The following NELL2 variants were observed in gnomAD, a reference collection of about 807,000 sequenced individuals.
NELL2 encodes the protein neural EGFL like 2, also known as protein kinase C-binding protein NELL2.
In NELL2, 41 loss-of-function variants were observed where a neutral mutation model predicts 109.6. That is an observed-to-expected ratio of 0.37 (90% CI 0.29 to 0.49). The LOEUF (loss-of-function observed/expected upper bound fraction) is 0.49, where lower values mean the gene tolerates loss of function less well. NELL2 is among the 20% of genes least tolerant of loss of function. The pLI, the probability that NELL2 is intolerant of heterozygous loss-of-function variation, is 0.98. For missense variants in NELL2, 900 were observed against 1,008.3 expected (o/e 0.89, Z 1.45); for synonymous variants, 355 against 344.7 (o/e 1.03, Z -0.33).
In NELL2 at chr12:44,911,547, A is replaced by C. The variant is rs574536832; in HGVS notation, c.38+2252T>G. Reference sequence around the variant, plus strand: ...GTTTAATCCTTGTCTTCCTCAAAAAAATAAAACTACAAAATTCGTATGGGC... The same window carrying C: ...GTTTAATCCTTGTCTTCCTCAAAAACATAAAACTACAAAATTCGTATGGGC... On this transcript the variant is annotated intron_variant, in intron 1 of 20. Transcript: ENST00000333837. Among the ~76,000 whole-genome samples the C allele has an allele frequency of 6.5e-4, 99 of 152,128 alleles. 1 individual carries two copies. Among genetic ancestry groups the C allele is most frequent in the South Asian group, 1.4e-3 (7 of 4,830 alleles).
In NELL2 at chr12:44,587,933, C is replaced by CCT. The variant is rs565842527; in HGVS notation, c.1663+19235_1663+19236insAG. Among the ~76,000 whole-genome samples, 474 of 152,132 alleles carry CCT rather than the reference C, an allele frequency of 3.1e-3. 2 individuals are homozygous for CCT. The highest frequency in any genetic ancestry group is 5.6e-3 in the Admixed American group (86 of 15,282). On this transcript the variant is annotated intron_variant, in intron 15 of 19. Transcript: ENST00000429094. ...TTGGGAGGCCAAGGCGGGCGGATCACGAGGTCAGGAGATAGAGACCATCCT... is the reference window on the plus strand; with the variant it reads ...TTGGGAGGCCAAGGCGGGCGGATCACCTGAGGTCAGGAGATAGAGACCATCCT...
At chr12:44,610,006 C>T (rs917282649) in intron 14 of NELL2, among the ~76,000 whole-genome samples, 2 of 151,800 alleles carry the variant, frequency 1.3e-5, no homozygotes, top group Non-Finnish European at 2.9e-5. Flanking sequence ...TTCTATTTCC[C>T]TTAGGAGGTA....
At chr12:44,584,373 T>C (rs1391227248) in intron 15 of NELL2, among the ~76,000 whole-genome samples, 1 of 152,096 alleles carries the variant, frequency 6.6e-6, no homozygotes, top group East Asian at 1.9e-4. Flanking sequence ...CTGATGGAGA[T>C]TTTTTAAAGA....
intron 15 of NELL2, among the ~76,000 whole-genome samples, chr12:44,558,827 C>T (rs1943356877): frequency 3.3e-5 from 5 of 152,024 alleles, no homozygotes; most frequent in Admixed American, 1.3e-4. Flanking sequence ...GAGACAGAAC[C>T]GTTCACTACC....
intron 2 of NELL2, among the ~76,000 whole-genome samples, chr12:44,840,582 A>G (rs1283993419): frequency 6.6e-6 from 1 of 151,860 alleles, no homozygotes; most frequent in Non-Finnish European, 1.5e-5. Context: ...GCTTGCAGTG[A>G]GCAGAGATGC....
intron 13 of NELL2, among the ~76,000 whole-genome samples, chr12:44,658,424 C>T (rs993189544): frequency 6.6e-6 from 1 of 152,172 alleles, no homozygotes; most frequent in Non-Finnish European, 1.5e-5. Context: ...CTATAAACCA[C>T]TGCTTAAGGA....
At chr12:44,836,848 G>A (rs560272157) in intron 2 of NELL2, among the ~76,000 whole-genome samples, 10 of 152,306 alleles carry the variant, frequency 6.6e-5, no homozygotes, top group Middle Eastern at 3.4e-3. Context: ...TCTAGGTCTA[G>A]AAGAGAGATT....
Position 44,825,542 on chromosome 12 carries a change from C to T in NELL2, c.185-9406G>A, listed in dbSNP as rs1315667093. 2.7e-5 allele frequency among the ~76,000 whole-genome samples: 4 copies of T among 150,140 alleles called. No homozygotes were observed. The East Asian group carries it at 8.0e-4, about 30-fold the overall frequency. On this transcript the variant is annotated intron_variant, in intron 2 of 19. Coordinates refer to ENST00000429094, the MANE Select transcript of NELL2 (RefSeq NM_001145108.2). ...TCCCCAATAGCTGGAGCTACAGGTG[C>T]GTGCCACCATGCCCAGCTAATTTTT...
chr12:44,609,530 A>T (rs1184245498), intron 14 of NELL2, among the ~76,000 whole-genome samples: 1 of 152,086 alleles, frequency 6.6e-6, no homozygotes, highest in Non-Finnish European at 1.5e-5. Context: ...AAACCATCAA[A>T]AGCAAAACTG....
chr12:44,897,192 C>T (rs2703046), intron 1 of NELL2, among the ~76,000 whole-genome samples: 3,696 of 152,166 alleles, frequency 0.024, 164 homozygotes, highest in African/African-American at 0.084. Flanking sequence ...TGCCAAAAAA[C>T]AGAACACAAC....
chr12:44,920,267 A>G (rs1007942491), intron 1 of NELL2, among the ~76,000 whole-genome samples: 5 of 152,186 alleles, frequency 3.3e-5, no homozygotes, highest in African/African-American at 9.6e-5. Context: ...GAAGATAATG[A>G]GATATAAGAA....
chr12:44,678,919 A>C (rs1948406329), intron 12 of NELL2, among the ~76,000 whole-genome samples: 1 of 152,104 alleles, frequency 6.6e-6, no homozygotes, highest in Non-Finnish European at 1.5e-5. Flanking sequence ...TGAAGAAGTG[A>C]AGACTGTGAG....
chr12:44,581,709 C>A (rs563590092), intron 15 of NELL2, among the ~76,000 whole-genome samples: 1 of 151,990 alleles, frequency 6.6e-6, no homozygotes, highest in African/African-American at 2.4e-5. Context: ...TGCCTTAATG[C>A]CATTTTCCCC....
At chr12:44,907,744 C>T (rs1468763502) in intron 1 of NELL2, among the ~76,000 whole-genome samples, 3 of 151,808 alleles carry the variant, frequency 2.0e-5, no homozygotes, top group Admixed American at 6.6e-5. Flanking sequence ...TACAACAGTA[C>T]GTTTGTAAGA....
At chr12:44,534,528 G>A (rs1942216232) in intron 15 of NELL2, among the ~76,000 whole-genome samples, 1 of 152,046 alleles carries the variant, frequency 6.6e-6, no homozygotes, top group Non-Finnish European at 1.5e-5. Context: ...CATAAGTTTT[G>A]TGAAATAGTC....
chr12:44,530,281 G>T (rs973269125), intron 16 of NELL2, among the ~76,000 whole-genome samples: 3 of 152,180 alleles, frequency 2.0e-5, no homozygotes, highest in African/African-American at 7.2e-5. Flanking sequence ...AAGTAGGCAG[G>T]CCACTGACAG....
intron 13 of NELL2, among the ~76,000 whole-genome samples, chr12:44,653,248 A>G (rs1334246314): frequency 1.3e-5 from 2 of 152,204 alleles, no homozygotes; most frequent in Non-Finnish European, 2.9e-5. Flanking sequence ...ATTCTGTTAT[A>G]AAAACAACAT....
At chr12:44,548,160 G>C (rs1181482956) in intron 15 of NELL2, among the ~76,000 whole-genome samples, 3 of 152,174 alleles carry the variant, frequency 2.0e-5, no homozygotes, top group African/African-American at 4.8e-5. Flanking sequence ...TCAGCAAATA[G>C]GACTGGGATG....
At chr12:44,772,256 A>T (rs1477581207) in intron 9 of NELL2, among the ~76,000 whole-genome samples, 3 of 152,198 alleles carry the variant, frequency 2.0e-5, no homozygotes, top group African/African-American at 7.2e-5. Context: ...GTTTCTCCTC[A>T]CATGCAATGG....
Sources: gnomAD v4.1 joint callset for allele counts (sites outside exome capture counted in the v4.1 genomes callset) on GRCh38, gnomAD v4.1.1 for gene constraint, MANE v1.5 for transcripts, NCBI Gene and HGNC (gene_info 2026-07-23, HGNC 2026-07-21) for gene names.